Variants in SCN10A observed in about 807,000 individuals in gnomAD.
SCN10A encodes sodium channel protein type 10 subunit alpha.
A neutral mutation model predicts 170.7 loss-of-function variants in SCN10A; 162 were observed. The ratio of observed to expected loss-of-function variants is 0.95; its 90% CI spans 0.84 to 1.08. The LOEUF is 1.08. Among genes scored for constraint, SCN10A ranks in the 50% least tolerant of loss-of-function variants. SCN10A has a pLI of 0.00. For synonymous variants in SCN10A, 985 were observed against 904.6 expected, an observed-to-expected ratio of 1.09 and a Z score of -1.59; for missense variants, 2,527 against 2,436.9, an observed-to-expected ratio of 1.04 and a Z score of -0.78.
intron 25 of SCN10A, 63 bp downstream of exon 25, chr3:38,709,415 G>T: frequency 6.6e-7 from 1 of 1,521,640 alleles, no homozygotes; most frequent in South Asian, 1.4e-5. Flanking sequence ...GAGCTGGGCA[G>T]GGAACAGGAA....
intron 15 of SCN10A, among the ~76,000 whole-genome samples, chr3:38,738,687 G>T (rs1264979704): frequency 6.6e-6 from 1 of 152,172 alleles, no homozygotes; most frequent in Non-Finnish European, 1.5e-5. Context: ...ATTTCTTCAG[G>T]CCTCTTTCCT....
In SCN10A at chr3:38,726,904, C is replaced by G; in HGVS notation, c.2789G>C (p.Ser930Thr). The G allele has an allele frequency of 6.2e-7, 1 of 1,614,258 alleles. No homozygotes were observed. The highest frequency in any genetic ancestry group is 8.5e-7 in the Non-Finnish European group (1 of 1,180,052). ...FGHRTKQALC[S>T]FFSRSCPFPQ... is the part of the protein sequence containing the mutation. Reference sequence around the variant, plus strand: ...GAATGGGCAGGACCTGCTGAAGAAGCTGCAAAGAGCCTGTTTGGTACGATG... The same window carrying G: ...GAATGGGCAGGACCTGCTGAAGAAGGTGCAAAGAGCCTGTTTGGTACGATG... The change falls in exon 17 of 28, where the codon AGC (serine) becomes ACC (threonine). Residue 930 changes from serine (S) to threonine (T), a missense_variant. Physicochemically the swap from Ser to Thr is moderately conservative, Grantham distance 58. Coordinates refer to ENST00000449082, the MANE Select transcript of SCN10A (RefSeq NM_006514.4).
rs72866265 is a variant in SCN10A, at chr3:38,742,647, T to G, written c.1868-118A>C. 49,330 of 761,970 alleles carry G rather than the reference T, an allele frequency of 0.065. 3,141 individuals carry two copies. Among genetic ancestry groups the G allele is most frequent in the African/African-American group, 0.2 (11,924 of 58,640 alleles). The allele number at this position is 761,970 out of a possible 1,614,324, so 47.2% of individuals were successfully genotyped here. A position where few individuals can be genotyped will look rare whatever the true frequency, so the allele number is the denominator to read the frequency against. The stretch of plus-strand genomic sequence containing the variant: ...AAGTACCACCTCCAACATTTTGACT[T>G]CAGCCCTCTCTCTGTCTCTGGTATT... On this transcript the variant is annotated intron_variant, in intron 13 of 27. Coordinates refer to ENST00000449082, the MANE Select transcript of SCN10A (RefSeq NM_006514.4).
At chr3:38,718,539 T>C (rs2063355301) in intron 21 of SCN10A, 114 bp downstream of exon 21, 1 of 1,090,926 alleles carries the variant, frequency 9.2e-7, no homozygotes, top group East Asian at 2.4e-5. Context: ...TGCTCAAAAC[T>C]TTTCTTTGGA....
At chr3:38,751,916 A>G (rs2063751012) in intron 12 of SCN10A, among the ~76,000 whole-genome samples, 1 of 152,194 alleles carries the variant, frequency 6.6e-6, no homozygotes, top group East Asian at 1.9e-4. Flanking sequence ...AAGCAGGCCT[A>G]TCACTGAGGC....
intron 8 of SCN10A, among the ~76,000 whole-genome samples, chr3:38,757,674 A>G (rs934505235): frequency 6.6e-6 from 1 of 152,180 alleles, no homozygotes; most frequent in Non-Finnish European, 1.5e-5. Context: ...TTCTTTCTTT[A>G]CAGATAAGGA....
chr3:38,733,962 C>T (rs561076996), intron 15 of SCN10A, among the ~76,000 whole-genome samples: 28 of 152,172 alleles, frequency 1.8e-4, no homozygotes, highest in Admixed American at 3.3e-4. Flanking sequence ...TCAGGTGATC[C>T]GCCTGCCTGC....
intron 5 of SCN10A, among the ~76,000 whole-genome samples, chr3:38,768,648 G>C (rs997214375): frequency 2.6e-5 from 4 of 152,082 alleles, no homozygotes; most frequent in Non-Finnish European, 5.9e-5. Flanking sequence ...TTCCTTTATA[G>C]GTTATCTGAG....
At chr3:38,727,266 T>C (rs2063468283) in intron 16 of SCN10A, among the ~76,000 whole-genome samples, 1 of 152,178 alleles carries the variant, frequency 6.6e-6, no homozygotes, top group Non-Finnish European at 1.5e-5. Context: ...TGGACGAGGC[T>C]TGGAAGCATA....
In SCN10A at chr3:38,736,974, T is replaced by TTTG. The variant is rs60240656; in HGVS notation, c.2280+2540_2280+2541insCAA. On this transcript the variant is annotated intron_variant, in intron 15 of 27. Transcript: ENST00000449082. ...TAGCAGAAATGTTCGTTTTTTTTTT[T>TTTG]TTTTTTTTTTTTTTGAGACGGAGTC... 5.1e-3 allele frequency among the ~76,000 whole-genome samples: 488 copies of TTTG among 95,344 alleles called. 18 individuals carry two copies. The highest frequency in any genetic ancestry group is 0.023 in the African/African-American group (459 of 19,562). The allele number at this position is 95,344 out of a possible 152,430, so 62.5% of individuals were successfully genotyped here.
intron 6 of SCN10A, among the ~76,000 whole-genome samples, chr3:38,762,051 G>A (rs928248441): frequency 1.3e-5 from 2 of 152,198 alleles, no homozygotes; most frequent in Non-Finnish European, 2.9e-5. Context: ...AGCAAAGAAG[G>A]ATACACCTGC....
chr3:38,773,197 T>TG, intron 4 of SCN10A, among the ~76,000 whole-genome samples: 1 of 152,132 alleles, frequency 6.6e-6, no homozygotes, highest in Non-Finnish European at 1.5e-5. Flanking sequence ...CTGGGCATGG[T>TG]GGTATGTACC....
intron 1 of SCN10A, among the ~76,000 whole-genome samples, chr3:38,815,735 C>A (rs751230640): frequency 2.0e-5 from 3 of 152,218 alleles, no homozygotes; most frequent in Non-Finnish European, 4.4e-5. Flanking sequence ...TATATCAACA[C>A]AACTCTTTGA....
At chr3:38,761,131 T>A in intron 7 of SCN10A, 61 bp downstream of exon 7, 1 of 1,295,662 alleles carries the variant, frequency 7.7e-7, no homozygotes, top group Non-Finnish European at 1.1e-6. Flanking sequence ...ATATCCCCTG[T>A]CCCTATATGA....
intron 4 of SCN10A, among the ~76,000 whole-genome samples, chr3:38,784,401 T>A (rs560552869): frequency 1.3e-5 from 2 of 152,294 alleles, no homozygotes; most frequent in African/African-American, 2.4e-5. Flanking sequence ...TCTCAATAGA[T>A]GCAGAAAAGG....
intron 4 of SCN10A, among the ~76,000 whole-genome samples, chr3:38,787,372 T>C (rs891829043): frequency 6.6e-6 from 1 of 152,204 alleles, no homozygotes; most frequent in Non-Finnish European, 1.5e-5. Context: ...TGTACCCAGC[T>C]ACCTTACTAT....
chr3:38,787,965 C>T (rs1038850280), intron 4 of SCN10A, among the ~76,000 whole-genome samples: 9 of 152,038 alleles, frequency 5.9e-5, no homozygotes, highest in Admixed American at 4.6e-4. Flanking sequence ...TGGTTTCCAG[C>T]TTCATCCATG....
chr3:38,801,554 A>G (rs2064370641), intron 1 of SCN10A, among the ~76,000 whole-genome samples: 1 of 152,154 alleles, frequency 6.6e-6, no homozygotes, highest in Non-Finnish European at 1.5e-5. Flanking sequence ...TTGGGGCACC[A>G]TTGGAGAGTT....
chr3:38,798,285 G>C (rs1325776002), intron 1 of SCN10A, among the ~76,000 whole-genome samples: 2 of 152,136 alleles, frequency 1.3e-5, no homozygotes, highest in Non-Finnish European at 2.9e-5. Context: ...CTTATTGGTT[G>C]ACGGTTGTCC....
Sources: allele counts gnomAD v4.1 joint callset (sites outside exome capture counted in the v4.1 genomes callset), GRCh38; gene constraint gnomAD v4.1.1; transcripts MANE v1.5; gene names NCBI Gene and HGNC (gene_info 2026-07-23, HGNC 2026-07-21).